The following FGF7 variants were observed in gnomAD, a reference collection of about 807,000 sequenced individuals.
FGF7 encodes fibroblast growth factor 7.
A neutral mutation model predicts 20.5 loss-of-function variants in FGF7; 6 were observed. The observed-to-expected ratio is 0.29, with a 90% CI of 0.16 to 0.58. FGF7 has a LOEUF of 0.58. FGF7 is among the 20% of genes least tolerant of loss of function. The pLI is 0.90. For synonymous variants in FGF7, 64 were observed against 74.7 expected, an observed-to-expected ratio of 0.86 and a Z score of 0.74; for missense variants, 144 against 228.8, an observed-to-expected ratio of 0.63 and a Z score of 2.39.
chr15:49,456,041 C>T (rs1338586637), intron 2 of FGF7, among the ~76,000 whole-genome samples: 5 of 152,072 alleles, frequency 3.3e-5, no homozygotes. Flanking sequence ...TTTAATGTGA[C>T]CGCATATTGG....
At chr15:49,447,114 G>GTGGTT (rs1194112291) in intron 2 of FGF7, among the ~76,000 whole-genome samples, 1 of 151,580 alleles carries the variant, frequency 6.6e-6, no homozygotes, top group Non-Finnish European at 1.5e-5. Context: ...ATGCAAGCCT[G>GTGGTT]TGGTTTCCTA....
At chr15:49,472,915 T>G (rs1597416645) in intron 2 of FGF7, among the ~76,000 whole-genome samples, 1 of 86,578 alleles carries the variant, frequency 1.2e-5, no homozygotes, top group South Asian at 3.2e-4. Context: ...TTGGGTACCA[T>G]ACATTTTAAT....
chr15:49,451,174 T>C (rs192425922), intron 2 of FGF7, among the ~76,000 whole-genome samples: 3 of 152,242 alleles, frequency 2.0e-5, no homozygotes, highest in Admixed American at 2.0e-4. Flanking sequence ...AGAATATGGA[T>C]ACTTACATAT....
chr15:49,443,983 C>T (rs191237688), intron 2 of FGF7, among the ~76,000 whole-genome samples: 1 of 151,716 alleles, frequency 6.6e-6, no homozygotes, highest in Non-Finnish European at 1.5e-5. Context: ...AACTGGAACA[C>T]TTTTGAGAGT....
At chr15:49,439,709 TG>T (rs770287286) in intron 2 of FGF7, among the ~76,000 whole-genome samples, 30 of 151,792 alleles carry the variant, frequency 2.0e-4, no homozygotes, top group Non-Finnish European at 1.5e-5. Flanking sequence ...AGGAGGAACG[TG>T]GCTCTCTTCT....
intron 2 of FGF7, among the ~76,000 whole-genome samples, chr15:49,452,121 A>G (rs991365470): frequency 5.9e-5 from 9 of 151,864 alleles, no homozygotes; most frequent in African/African-American, 2.2e-4. Context: ...GGCTCACTGC[A>G]GCCTCTGCCT....
intron 2 of FGF7, among the ~76,000 whole-genome samples, chr15:49,426,271 T>C (rs960372363): frequency 1.3e-5 from 2 of 151,832 alleles, no homozygotes; most frequent in Non-Finnish European, 2.9e-5. Flanking sequence ...CAGAATATAT[T>C]TCATAAATAT....
chr15:49,457,344 T>C (rs528399798), intron 2 of FGF7, among the ~76,000 whole-genome samples: 25 of 152,102 alleles, frequency 1.6e-4, no homozygotes, highest in African/African-American at 5.5e-4. Flanking sequence ...GTGGAATCCA[T>C]AGAAAGTGGT....
chr15:49,452,066 G>A (rs1234757834), intron 2 of FGF7, among the ~76,000 whole-genome samples: 2 of 151,094 alleles, frequency 1.3e-5, no homozygotes, highest in Non-Finnish European at 1.5e-5. Context: ...TTTTGAGATA[G>A]AGTCTTGCTC....
chr15:49,428,994 A>G (rs2050363939), intron 2 of FGF7, among the ~76,000 whole-genome samples: 1 of 151,954 alleles, frequency 6.6e-6, no homozygotes, highest in African/African-American at 2.4e-5. Context: ...AATTCTTTGG[A>G]TAGGCTCCTA....
At chr15:49,439,277 G>A (rs1459973174) in intron 2 of FGF7, among the ~76,000 whole-genome samples, 3 of 148,984 alleles carry the variant, frequency 2.0e-5, no homozygotes, top group Non-Finnish European at 4.5e-5. Flanking sequence ...GAGAGGGGTA[G>A]GAGAGAGAGA....
intron 2 of FGF7, among the ~76,000 whole-genome samples, chr15:49,442,827 C>T (rs1240216258): frequency 5.3e-5 from 8 of 151,712 alleles, no homozygotes; most frequent in Middle Eastern, 3.2e-3. Context: ...TGCTTCCACA[C>T]GACACCTATA....
chr15:49,481,601 C>G (rs2055951893), intron 2 of FGF7, among the ~76,000 whole-genome samples: 1 of 152,090 alleles, frequency 6.6e-6, no homozygotes, highest in Non-Finnish European at 1.5e-5. Context: ...GGCCTGTGTT[C>G]TTCAAAATTC....
chr15:49,433,637 T>C (rs966304529), intron 2 of FGF7, among the ~76,000 whole-genome samples: 1 of 151,620 alleles, frequency 6.6e-6, no homozygotes, highest in Non-Finnish European at 1.5e-5. Flanking sequence ...TTCTAGGTGA[T>C]TTCAAGGAAC....
intron 2 of FGF7, among the ~76,000 whole-genome samples, chr15:49,476,484 T>G (rs2055332810): frequency 1.3e-5 from 2 of 152,024 alleles, no homozygotes; most frequent in Admixed American, 1.3e-4. Context: ...ATCCTACAAT[T>G]TCCAAAGTGT....
At chr15:49,470,350 A>C (rs2054632537) in intron 2 of FGF7, among the ~76,000 whole-genome samples, 1 of 152,148 alleles carries the variant, frequency 6.6e-6, no homozygotes, top group Admixed American at 6.5e-5. Flanking sequence ...GTGCTGAGCA[A>C]ATTTCTTTTT....
At chr15:49,471,484 AAATAATAATAATAATAATAATAAT>A (rs201297260) in intron 2 of FGF7, among the ~76,000 whole-genome samples, 29 of 137,852 alleles carry the variant, frequency 2.1e-4, no homozygotes, top group Admixed American at 5.9e-4. Flanking sequence ...CTCTATCTCA[AAATAATAATAATAATAATAATAAT>A]AATAATAATA....
At chr15:49,442,236 C>G (rs552690869) in intron 2 of FGF7, among the ~76,000 whole-genome samples, 2 of 151,440 alleles carry the variant, frequency 1.3e-5, no homozygotes, top group Non-Finnish European at 3.0e-5. Context: ...ACTATTTTTC[C>G]TAGACTATAA....
intron 2 of FGF7, among the ~76,000 whole-genome samples, chr15:49,435,863 G>A (rs1396616054): frequency 2.6e-5 from 4 of 151,410 alleles, no homozygotes; most frequent in Non-Finnish European, 5.9e-5. Context: ...TTTTAATTTA[G>A]TCTGCAAAAT....
Sources: gnomAD v4.1 joint callset for allele counts (sites outside exome capture counted in the v4.1 genomes callset) on GRCh38, gnomAD v4.1.1 for gene constraint, MANE v1.5 for transcripts, NCBI Gene and HGNC (gene_info 2026-07-23, HGNC 2026-07-21) for gene names.